Variants in ZNF385D observed in about 807,000 individuals in gnomAD.
ZNF385D encodes the protein zinc finger protein 385D, also known as zinc finger protein 659.
ZNF385D carries 15 observed loss-of-function variants against 35.8 expected under a neutral mutation model. That is an observed-to-expected ratio of 0.42 (90% CI 0.28 to 0.64). The LOEUF (loss-of-function observed/expected upper bound fraction) is 0.64, where lower values mean the gene tolerates loss of function less well. ZNF385D is among the 30% of genes least tolerant of loss of function. The pLI is 0.23. For missense variants in ZNF385D, 474 were observed against 494.6 expected (o/e 0.96, Z 0.39); for synonymous variants, 212 against 186.8 (o/e 1.13, Z -1.10).
chr3:22,084,187 T>C (rs1475811168), intron 3 of ZNF385D, among the ~76,000 whole-genome samples: 1 of 152,100 alleles, frequency 6.6e-6, no homozygotes, highest in African/African-American at 2.4e-5. Flanking sequence ...ACGGGCAAAA[T>C]AACCAGCTAA....
chr3:21,684,708 T>C (rs1041149057), intron 1 of ZNF385D, among the ~76,000 whole-genome samples: 1 of 152,146 alleles, frequency 6.6e-6, no homozygotes, highest in Admixed American at 6.6e-5. Flanking sequence ...TAAGCACACA[T>C]TTGCAAGGGT....
Position 22,118,502 on chromosome 3 carries a change from G to T in ZNF385D, c.325+50315C>A, listed in dbSNP as rs1366949002. On this transcript the variant is annotated intron_variant, in intron 3 of 5. Transcript: ENST00000494108. ...AGGTTGTAGACTGTACATCTCCAAA[G>T]GGTGTTGCCTAGATAAGACATTTTA... Among the ~76,000 whole-genome samples, 5 of 152,192 alleles carry T rather than the reference G, an allele frequency of 3.3e-5. No individual in the cohort carries two copies. In the Middle Eastern group the frequency reaches 0.01, roughly 311 times the overall value.
chr3:21,574,365 C>T (rs1228750912), intron 2 of ZNF385D, among the ~76,000 whole-genome samples: 2 of 151,992 alleles, frequency 1.3e-5, no homozygotes, highest in Admixed American at 6.6e-5. Context: ...GTTTCCTGAA[C>T]ATATAAATGG....
chr3:21,470,014 G>C (rs1703784269), intron 4 of ZNF385D, among the ~76,000 whole-genome samples: 1 of 152,164 alleles, frequency 6.6e-6, no homozygotes, highest in Admixed American at 6.6e-5. Context: ...TAAAATGGAA[G>C]TCGTAGCAAC....
At chr3:21,552,793 A>G (rs2062611728) in intron 3 of ZNF385D, among the ~76,000 whole-genome samples, 1 of 152,206 alleles carries the variant, frequency 6.6e-6, no homozygotes, top group Admixed American at 6.5e-5. Flanking sequence ...TTAAATCATA[A>G]TCCCAGGAAA....
intron 1 of ZNF385D, among the ~76,000 whole-genome samples, chr3:21,699,454 T>G (rs978337402): frequency 6.6e-6 from 1 of 152,090 alleles, no homozygotes; most frequent in Non-Finnish European, 1.5e-5. Context: ...CACCTGCACA[T>G]TCTGCACATG....
intron 1 of ZNF385D, among the ~76,000 whole-genome samples, chr3:21,720,884 A>G (rs538751267): frequency 6.6e-6 from 1 of 152,284 alleles, no homozygotes; most frequent in South Asian, 2.1e-4. Flanking sequence ...TATGGTGACA[A>G]AAAGTGCGTG....
intron 3 of ZNF385D, among the ~76,000 whole-genome samples, chr3:21,803,087 C>A (rs2072481847): frequency 6.6e-6 from 1 of 152,138 alleles, no homozygotes; most frequent in Non-Finnish European, 1.5e-5. Flanking sequence ...TATTGTTACC[C>A]CTCCCCGCCA....
At chr3:21,975,942 T>C (rs1313907514) in intron 3 of ZNF385D, among the ~76,000 whole-genome samples, 1 of 151,994 alleles carries the variant, frequency 6.6e-6, no homozygotes, top group Non-Finnish European at 1.5e-5. Flanking sequence ...CCAAACATAC[T>C]TGAAGGGTAA....
chr3:22,067,743 G>T (rs970105909), intron 3 of ZNF385D, among the ~76,000 whole-genome samples: 2 of 152,164 alleles, frequency 1.3e-5, no homozygotes, highest in Non-Finnish European at 2.9e-5. Flanking sequence ...AAAATATCTG[G>T]CTGGGCATGG....
chr3:21,877,385 C>A (rs959391687), intron 3 of ZNF385D, among the ~76,000 whole-genome samples: 3 of 152,046 alleles, frequency 2.0e-5, no homozygotes, highest in African/African-American at 7.2e-5. Context: ...CAATATATGA[C>A]CCATTCTCTG....
rs1292746101 is a variant in ZNF385D, at chr3:21,417,408, C to T, written c.*3806G>A. On this transcript the variant is annotated 3_prime_UTR_variant, in exon 8 of 8. Coordinates refer to ENST00000281523, the MANE Select transcript of ZNF385D (RefSeq NM_024697.3). ...TTGCTTTTCCCACCACTTCATGCGG[C>T]TTTTGGGTGAACAAAGTTATTAATA... The T allele has an allele frequency of 2.0e-5, 3 of 152,044 alleles. No individual in the cohort carries two copies. In the East Asian group the frequency reaches 5.8e-4, roughly 29 times the overall value. The allele number at this position is 152,044 out of a possible 1,614,324, so 9.4% of individuals were successfully genotyped here.
intron 3 of ZNF385D, among the ~76,000 whole-genome samples, chr3:21,806,974 T>A (rs1305414199): frequency 6.6e-6 from 1 of 152,250 alleles, no homozygotes; most frequent in Non-Finnish European, 1.5e-5. Flanking sequence ...TTTTCTGAAG[T>A]GAATGCCAAC....
chr3:22,295,893 A>G (rs1382840906), intron 2 of ZNF385D, among the ~76,000 whole-genome samples: 1 of 152,184 alleles, frequency 6.6e-6, no homozygotes, highest in Non-Finnish European at 1.5e-5. Context: ...TACAAAGGCT[A>G]ATATTTGAAA....
At chr3:22,172,583 C>T (rs1009873393) in intron 2 of ZNF385D, among the ~76,000 whole-genome samples, 24 of 152,246 alleles carry the variant, frequency 1.6e-4, no homozygotes, top group African/African-American at 3.9e-4. Flanking sequence ...CTCTAACCCA[C>T]GCCACCCCTG....
At chr3:21,953,029 C>G (rs114951245) in intron 3 of ZNF385D, among the ~76,000 whole-genome samples, 1,805 of 152,076 alleles carry the variant, frequency 0.012, 39 homozygotes, top group African/African-American at 0.04. Flanking sequence ...TTGCAGGTAT[C>G]TAGTTTCTTT....
intron 3 of ZNF385D, among the ~76,000 whole-genome samples, chr3:21,810,936 A>AC (rs200642873): frequency 0.011 from 1,606 of 149,880 alleles, 23 homozygotes; most frequent in African/African-American, 0.034. Context: ...ATACACACAC[A>AC]GCACATCACA....
intron 2 of ZNF385D, among the ~76,000 whole-genome samples, chr3:21,590,603 G>T (rs2063946288): frequency 6.6e-6 from 1 of 151,950 alleles, no homozygotes; most frequent in Non-Finnish European, 1.5e-5. Flanking sequence ...CCGAAAAATG[G>T]CCCAGACAAC....
intron 3 of ZNF385D, among the ~76,000 whole-genome samples, chr3:21,921,715 C>A (rs1425952100): frequency 6.6e-6 from 1 of 151,828 alleles, no homozygotes; most frequent in South Asian, 2.1e-4. Context: ...GTGAATACCT[C>A]TACGCTCACA....
Sources: allele counts gnomAD v4.1 joint callset (sites outside exome capture counted in the v4.1 genomes callset), GRCh38; gene constraint gnomAD v4.1.1; transcripts MANE v1.5; gene names NCBI Gene and HGNC (gene_info 2026-07-23, HGNC 2026-07-21).